Variants in RGS5 observed in about 807,000 individuals in gnomAD.
RGS5 encodes regulator of G-protein signalling 5.
A neutral mutation model predicts 18.9 loss-of-function variants in RGS5; 20 were observed. The ratio of observed to expected loss-of-function variants is 1.06; its 90% CI spans 0.74 to 1.54. RGS5 has a LOEUF of 1.54. RGS5 is among the 40% of genes most tolerant of loss of function. RGS5 has a pLI of 0.00. For synonymous variants in RGS5, 57 were observed against 76.2 expected, an observed-to-expected ratio of 0.75 and a Z score of 1.31; for missense variants, 201 against 211.8, an observed-to-expected ratio of 0.95 and a Z score of 0.32.
chr1:163,289,999 T>C (rs1452334299), intron 2 of RGS5, among the ~76,000 whole-genome samples: 1 of 152,178 alleles, frequency 6.6e-6, no homozygotes, highest in East Asian at 1.9e-4. Context: ...GGTTCCCTCT[T>C]CCATTTTCTT....
At chr1:163,216,838 C>G (rs1199877292) in intron 1 of RGS5, among the ~76,000 whole-genome samples, 1 of 152,106 alleles carries the variant, frequency 6.6e-6, no homozygotes, top group Non-Finnish European at 1.5e-5. Context: ...TAAATGAAAC[C>G]CAATTTGAAA....
chr1:163,301,208 CTA>C (rs1376479223), intron 2 of RGS5, among the ~76,000 whole-genome samples: 1 of 152,140 alleles, frequency 6.6e-6, no homozygotes, highest in Non-Finnish European at 1.5e-5. Context: ...CCTCTAGGTG[CTA>C]TCTCAGAGAA....
At chr1:163,194,784 AAT>A (rs1659497291) in intron 1 of RGS5, among the ~76,000 whole-genome samples, 3 of 152,186 alleles carry the variant, frequency 2.0e-5, no homozygotes, top group African/African-American at 7.2e-5. Context: ...GAGCATTGAA[AAT>A]ATTTCGATTC....
chr1:163,219,835 G>C (rs1327242445), upstream of RGS5, among the ~76,000 whole-genome samples: 1 of 152,092 alleles, frequency 6.6e-6, no homozygotes, highest in Admixed American at 6.5e-5. Flanking sequence ...TTGTTGATAA[G>C]CATTGAGTTT....
chr1:163,276,076 C>A (rs1648845207), intron 2 of RGS5, among the ~76,000 whole-genome samples: 1 of 152,082 alleles, frequency 6.6e-6, no homozygotes, highest in Non-Finnish European at 1.5e-5. Context: ...CTCACTGCAA[C>A]CTTCACCTTC....
intron 2 of RGS5, among the ~76,000 whole-genome samples, chr1:163,254,504 T>C (rs1648215429): frequency 6.6e-6 from 1 of 151,966 alleles, no homozygotes; most frequent in Admixed American, 6.6e-5. Context: ...GGTTGTTTTT[T>C]TCTTGTAAAT....
chr1:163,252,119 T>C (rs189362358), intron 2 of RGS5, among the ~76,000 whole-genome samples: 1 of 152,162 alleles, frequency 6.6e-6, no homozygotes, highest in African/African-American at 2.4e-5. Flanking sequence ...TGCAGTCCCA[T>C]GAGCAATGTA....
At chr1:163,191,340 C>T (rs890178510) in intron 1 of RGS5, among the ~76,000 whole-genome samples, 4 of 149,312 alleles carry the variant, frequency 2.7e-5, no homozygotes, top group African/African-American at 7.6e-5. Context: ...GCTCAAAATG[C>T]TATAAAAAAA....
chr1:163,169,352 A>C (rs1658200400), intron 1 of RGS5, among the ~76,000 whole-genome samples: 1 of 152,136 alleles, frequency 6.6e-6, no homozygotes. Context: ...TAGCAGCATG[A>C]TTTATAATCC....
At chr1:163,162,151 G>T (rs1657826301) in intron 2 of RGS5, among the ~76,000 whole-genome samples, 175 bp from the exon 3 acceptor site, 1 of 152,100 alleles carries the variant, frequency 6.6e-6, no homozygotes, top group Non-Finnish European at 1.5e-5. Context: ...TGATGAGCTG[G>T]GTTTGCTTTC....
At chr1:163,273,011 T>A (rs1648761169) in intron 2 of RGS5, among the ~76,000 whole-genome samples, 1 of 152,090 alleles carries the variant, frequency 6.6e-6, no homozygotes, top group Admixed American at 6.6e-5. Flanking sequence ...CATAAGTATG[T>A]CATTTGATTT....
chr1:163,298,950 C>T (rs1371253042), intron 2 of RGS5, among the ~76,000 whole-genome samples: 5 of 152,078 alleles, frequency 3.3e-5, no homozygotes, highest in Admixed American at 6.6e-5. Context: ...CCATGCTTGC[C>T]TTTAGAGAAC....
chr1:163,283,787 T>C (rs1649061920), intron 2 of RGS5, among the ~76,000 whole-genome samples: 1 of 152,174 alleles, frequency 6.6e-6, no homozygotes, highest in Admixed American at 6.5e-5. Context: ...GAGGGCAGCC[T>C]CCAGCTAAGA....
At chr1:163,258,929 G>A (rs1323392948) in intron 2 of RGS5, among the ~76,000 whole-genome samples, 5 of 151,786 alleles carry the variant, frequency 3.3e-5, no homozygotes, top group Non-Finnish European at 4.4e-5. Flanking sequence ...CTCCCATGTC[G>A]GCTTCCCAAA....
upstream of RGS5, among the ~76,000 whole-genome samples, chr1:163,205,889 T>C (rs1260185396): frequency 6.6e-6 from 1 of 152,234 alleles, no homozygotes; most frequent in Non-Finnish European, 1.5e-5. Context: ...TTATCACTTC[T>C]AATTTGGGGA....
chr1:163,187,200 G>C (rs1448606151), intron 1 of RGS5, among the ~76,000 whole-genome samples: 1 of 152,170 alleles, frequency 6.6e-6, no homozygotes, highest in African/African-American at 2.4e-5. Context: ...GGGTCCAGAA[G>C]ATAACAGATT....
intron 2 of RGS5, among the ~76,000 whole-genome samples, chr1:163,241,987 T>A (rs1268595626): frequency 2.0e-5 from 3 of 152,178 alleles, no homozygotes; most frequent in Non-Finnish European, 2.9e-5. Flanking sequence ...AGAGTATTAA[T>A]CTCAAGCACC....
chr1:163,271,714 C>A lies in RGS5; in HGVS notation c.-281+34519G>T, dbSNP rs530762773. Among the ~76,000 whole-genome samples, 3 of 152,248 alleles carry A rather than the reference C, an allele frequency of 2.0e-5. No homozygotes were observed. In the South Asian group the frequency reaches 6.2e-4, roughly 32 times the overall value. On this transcript the variant is annotated intron_variant, in intron 2 of 5. Coordinates refer to the RGS5 transcript ENST00000618415. ...CAGTTGATGGACATTTGGATTGTTT[C>A]TAGTTTTAGCCTATTATGAATACTG...
At chr1:163,257,026 G>A (rs970815016) in intron 2 of RGS5, among the ~76,000 whole-genome samples, 6 of 152,076 alleles carry the variant, frequency 3.9e-5, no homozygotes, top group African/African-American at 1.4e-4. Context: ...CATTTACTCA[G>A]CACATATATT....
Sources: gnomAD v4.1 joint callset for allele counts (sites outside exome capture counted in the v4.1 genomes callset) on GRCh38, gnomAD v4.1.1 for gene constraint, MANE v1.5 for transcripts, NCBI Gene and HGNC (gene_info 2026-07-23, HGNC 2026-07-21) for gene names.